NOTCH2: variants seen among roughly 807,000 people sequenced by gnomAD.
NOTCH2 encodes the protein notch receptor 2, also known as neurogenic locus notch homolog protein 2.
Under a neutral mutation model 235.8 loss-of-function variants are expected in NOTCH2, and 29 were observed. The observed-to-expected ratio is 0.12, with a 90% CI of 0.09 to 0.17. NOTCH2 has a LOEUF of 0.17. Among genes scored for constraint, NOTCH2 ranks in the 10% least tolerant of loss-of-function variants. NOTCH2 has a pLI of 1.00. For missense variants in NOTCH2, 2,285 were observed against 3,150.2 expected (o/e 0.73, Z 6.57); for synonymous variants, 1,086 against 1,141.5 (o/e 0.95, Z 0.98).
In NOTCH2 at chr1:119,924,533, A is replaced by G. The variant is rs184292267; in HGVS notation, c.4512-549T>C. On this transcript the variant is annotated intron_variant, in intron 25 of 33. Coordinates refer to ENST00000256646, the MANE Select transcript of NOTCH2 (RefSeq NM_024408.4). Reference sequence around the variant, plus strand: ...ATAGCACACCAGATATTACTTGTACAGGCTCTTTCAATATTTGGAAAAGGA... The same window carrying G: ...ATAGCACACCAGATATTACTTGTACGGGCTCTTTCAATATTTGGAAAAGGA... Among the ~76,000 whole-genome samples the G allele has an allele frequency of 2.3e-3, 351 of 152,332 alleles. No individual in the cohort carries two copies. The Middle Eastern group carries it at 0.024, about 10-fold the overall frequency.
intron 5 of NOTCH2, among the ~76,000 whole-genome samples, chr1:119,970,065 TAAG>T (rs1651302542): frequency 6.6e-6 from 1 of 151,964 alleles, no homozygotes; most frequent in African/African-American, 2.4e-5. Context: ...AACATATAAG[TAAG>T]AAGAGCAAGG....
chr1:119,915,654 G>GGCAGTGGGGAAAGCC lies in NOTCH2; in HGVS notation c.7053_7067dup (p.Ala2352_Ala2356dup). ...CCTGCCCGTCCTGCTGGGGCATCAT[G>GGCAGTGGGGAAAGCC]GCAGTGGGGAAAGCCACACTGGGCA... On this transcript the variant is annotated inframe_insertion, in exon 34 of 34. Coordinates refer to ENST00000256646, the MANE Select transcript of NOTCH2 (RefSeq NM_024408.4). 6.2e-7 allele frequency: 1 copy of GGCAGTGGGGAAAGCC among 1,614,044 alleles called. No homozygotes were observed. The highest frequency in any genetic ancestry group is 8.5e-7 in the Non-Finnish European group (1 of 1,180,004).
chr1:119,955,178 C>A lies in NOTCH2; in HGVS notation c.2081G>T (p.Gly694Val), dbSNP rs782254452. The change falls in exon 13 of 34, where the codon GGT (glycine) becomes GTT (valine). Residue 694 changes from glycine (G) to valine (V), a missense_variant. This residue lies in a region of NOTCH2 where 1,173 missense variants were observed against 1,515.3 expected (regional missense o/e 0.77). Coordinates refer to ENST00000256646, the MANE Select transcript of NOTCH2 (RefSeq NM_024408.4). Reference protein sequence around the residue: ...DECASNPCRKGATCINGVNGF... With the variant: ...DECASNPCRKVATCINGVNGF... ...ATTCACACCGTTGATACATGTTGCA[C>A]CCTTGCGACAGGGATTGGAGGCACA... 2 of 1,614,132 alleles carry A rather than the reference C, an allele frequency of 1.2e-6. No homozygotes were observed. Among genetic ancestry groups the A allele is most frequent in the East Asian group, 2.2e-5 (1 of 44,874 alleles).
At position 119,925,842 on chromosome 1, in the gene NOTCH2, A is replaced by G. The variant is rs1479989396; in HGVS notation, c.4006-32T>C. 3 of 1,612,944 alleles carry G rather than the reference A, an allele frequency of 1.9e-6. No homozygotes were observed. The South Asian group carries it at 3.3e-5, about 18-fold the overall frequency. Reference sequence around the variant, plus strand: ...AAATCAGTGAGGAAATAAAAATGGCATTGGTAGGAAAACAGTCATATTGGA... The same window carrying G: ...AAATCAGTGAGGAAATAAAAATGGCGTTGGTAGGAAAACAGTCATATTGGA... On this transcript the variant is annotated intron_variant, in intron 24 of 33. Transcript: ENST00000256646.
chr1:120,048,011 C>T (rs1404045088), intron 1 of NOTCH2, among the ~76,000 whole-genome samples: 2 of 151,826 alleles, frequency 1.3e-5, no homozygotes, highest in Admixed American at 1.3e-4. Context: ...CGTGATCCGC[C>T]TGCCTTGGCC....
At chr1:120,001,327 G>C (rs587600797) in intron 3 of NOTCH2, among the ~76,000 whole-genome samples, 22 of 152,062 alleles carry the variant, frequency 1.4e-4, no homozygotes, top group Non-Finnish European at 2.5e-4. Context: ...GGTTCAATTA[G>C]TCTTTCGCCC....
intron 26 of NOTCH2, 21 bp from the exon 27 acceptor site, chr1:119,922,799 A>G (rs1204431116): frequency 6.2e-7 from 1 of 1,613,800 alleles, no homozygotes; most frequent in African/African-American, 1.3e-5. Flanking sequence ...CCAAGGGAGA[A>G]GCGGAGGAGG....
Position 119,975,917 on chromosome 1 carries a change from G to A in NOTCH2, c.875-6173C>T, listed in dbSNP as rs147408621. On this transcript the variant is annotated intron_variant, in intron 5 of 33. Transcript: ENST00000256646. ...CTACAAGTGATGGGTAAAAAATAGA[G>A]GGGGACAACAAGAGAAAGAAAGAAA... is the stretch of plus-strand genomic sequence containing the variant. Among the ~76,000 whole-genome samples, 1,255 of 152,238 alleles carry A rather than the reference G, an allele frequency of 8.2e-3. 23 individuals carry two copies. The highest frequency in any genetic ancestry group is 0.011 in the Non-Finnish European group (730 of 68,018).
At chr1:119,948,672 C>G in intron 16 of NOTCH2, 106 bp from the exon 17 acceptor site, 1 of 1,343,312 alleles carries the variant, frequency 7.4e-7, no homozygotes, top group African/African-American at 1.4e-5. Flanking sequence ...ATTCCACAGA[C>G]AAACTGGTTG....
rs587613027 is a variant in NOTCH2, at chr1:119,968,391, G to C, written c.1109-159C>G. ...CTGCTTTGCCTGACCCTACCTTGGG[G>C]ACATGCTTGGCCACCAGCAAAGCAC... On this transcript the variant is annotated intron_variant, in intron 6 of 33. Transcript: ENST00000256646. Among the ~76,000 whole-genome samples the C allele has an allele frequency of 4.6e-5, 7 of 152,248 alleles. No homozygotes were observed. In the East Asian group the frequency reaches 1.4e-3, roughly 29 times the overall value.
intron 6 of NOTCH2, 127 bp downstream of exon 6, chr1:119,969,384 A>G (rs1340230873): frequency 3.6e-5 from 29 of 815,090 alleles, no homozygotes; most frequent in Non-Finnish European, 5.3e-5. Context: ...TTTCTGGAAC[A>G]GTCCTGAGTG....
intron 1 of NOTCH2, chr1:120,068,762 A>C (rs1553217533): frequency 2.9e-6 from 1 of 346,454 alleles, no homozygotes; most frequent in East Asian, 5.4e-5. Flanking sequence ...GCTCCCCCGG[A>C]CTTTCGGTGG....
intron 24 of NOTCH2, among the ~76,000 whole-genome samples, 184 bp from the exon 25 acceptor site, chr1:119,925,994 A>G (rs1387912454): frequency 6.6e-6 from 1 of 152,158 alleles, no homozygotes; most frequent in Non-Finnish European, 1.5e-5. Context: ...TTGTTTTGGG[A>G]AGGTTTCAAC....
In NOTCH2 at chr1:119,937,295, C is replaced by T. The variant is rs940020746; in HGVS notation, c.3509G>A (p.Gly1170Glu). 9.3e-6 allele frequency: 15 copies of T among 1,613,396 alleles called. No homozygotes were observed. The highest frequency in any genetic ancestry group is 1.7e-5 in the Admixed American group (1 of 60,002). The change falls in exon 21 of 34, where the codon GGA becomes GAA. Residue 1170 changes from glycine (G) to glutamate (E), a missense_variant. Gly to Glu is a moderately conservative substitution (Grantham distance 98, BLOSUM62 -2). This residue lies in a region of NOTCH2 where 1,173 missense variants were observed against 1,515.3 expected (regional missense o/e 0.77). Transcript: ENST00000256646. ...CAGTGTCCTCACCTCGCATCTGTAT[C>T]CACCAATGAAGTCACTGCATGTTGC... ...HGATCSDFIG[G>E]YRCECVPGYQ...
chr1:119,931,546 G>T (rs1176464600), intron 22 of NOTCH2, among the ~76,000 whole-genome samples: 1 of 151,936 alleles, frequency 6.6e-6, no homozygotes, highest in African/African-American at 2.4e-5. Context: ...CTTAATAATT[G>T]AAATAGAACG....
At chr1:120,048,685 C>T (rs1198657366) in intron 1 of NOTCH2, among the ~76,000 whole-genome samples, 10 of 141,720 alleles carry the variant, frequency 7.1e-5, no homozygotes, top group Middle Eastern at 3.5e-3. Context: ...TGGTGTCAAG[C>T]GATCCTCCTG....
At chr1:120,010,660 T>C (rs587703755) in intron 2 of NOTCH2, among the ~76,000 whole-genome samples, 5 of 152,178 alleles carry the variant, frequency 3.3e-5, no homozygotes, top group African/African-American at 4.8e-5. Context: ...CACTATGCAT[T>C]TGTTAAGTGA....
intron 4 of NOTCH2, among the ~76,000 whole-genome samples, chr1:119,988,786 G>A (rs1456665768): frequency 3.3e-5 from 5 of 152,162 alleles, no homozygotes; most frequent in Non-Finnish European, 7.3e-5. Context: ...CCCCTAACTC[G>A]ATCTCTCTGA....
chr1:119,920,087 T>C (rs940313963), intron 30 of NOTCH2, 142 bp downstream of exon 30: 2 of 861,744 alleles, frequency 2.3e-6, no homozygotes, highest in African/African-American at 3.3e-5. Context: ...CTACATTCCT[T>C]AAGCATTCAT....
Sources: gnomAD v4.1 joint callset for allele counts (sites outside exome capture counted in the v4.1 genomes callset) on GRCh38, gnomAD v4.1.1 for gene constraint, gnomAD v4.1.1 regional missense constraint, MANE v1.5 for transcripts, NCBI Gene and HGNC (gene_info 2026-07-23, HGNC 2026-07-21) for gene names.